The following NCALD variants were observed in gnomAD, a reference collection of about 807,000 sequenced individuals.
NCALD encodes the protein neurocalcin-delta.
Under a neutral mutation model 18.6 loss-of-function variants are expected in NCALD, and 10 were observed. That is an observed-to-expected ratio of 0.54 (90% CI 0.33 to 0.91). The LOEUF is 0.91. Among genes scored for constraint, NCALD ranks in the 40% least tolerant of loss-of-function variants. NCALD has a pLI of 0.03. For synonymous variants in NCALD, 88 were observed against 87.4 expected, an observed-to-expected ratio of 1.01 and a Z score of -0.04; for missense variants, 184 against 247.6, an observed-to-expected ratio of 0.74 and a Z score of 1.72.
Position 101,863,570 on chromosome 8 carries a change from G to C in NCALD, c.-20+23571C>G, listed in dbSNP as rs528222365. Among the ~76,000 whole-genome samples, 11 of 152,186 alleles carry C rather than the reference G, an allele frequency of 7.2e-5. No individual in the cohort carries two copies. The South Asian group carries it at 2.1e-3, about 29-fold the overall frequency. On this transcript the variant is annotated intron_variant, in intron 4 of 6. Transcript: ENST00000311028. ...GTGGTTGGTATTCTTAAAATAACAG[G>C]GGATTGGAAATTTAGAGATGCTTCT...
chr8:102,019,266 C>T (rs902516694), intron 2 of NCALD, among the ~76,000 whole-genome samples: 2 of 152,020 alleles, frequency 1.3e-5, no homozygotes, highest in Non-Finnish European at 2.9e-5. Context: ...ACAGAAAACA[C>T]CTTGTTTTGG....
chr8:102,099,461 TAAGTAA>T (rs1405801282), intron 1 of NCALD, among the ~76,000 whole-genome samples: 1 of 152,168 alleles, frequency 6.6e-6, no homozygotes, highest in East Asian at 1.9e-4. Context: ...CATTTTAACA[TAAGTAA>T]ACAGGGAGAG....
chr8:101,867,792 G>A (rs955404245), intron 4 of NCALD, among the ~76,000 whole-genome samples: 12 of 151,946 alleles, frequency 7.9e-5, no homozygotes, highest in African/African-American at 2.4e-4. Flanking sequence ...TGAATTTTTC[G>A]GCTTTGGGTA....
intron 2 of NCALD, among the ~76,000 whole-genome samples, chr8:101,696,831 C>A (rs977799451): frequency 6.6e-6 from 1 of 151,198 alleles, no homozygotes; most frequent in African/African-American, 2.4e-5. Context: ...GCACTAAATG[C>A]CCACATCAGA....
chr8:101,795,577 C>T (rs1002388516), upstream of NCALD, among the ~76,000 whole-genome samples: 1 of 152,170 alleles, frequency 6.6e-6, no homozygotes, highest in Non-Finnish European at 1.5e-5. Context: ...GGGCACTACC[C>T]TTATGATCTA....
chr8:101,997,290 G>A (rs946429001), intron 2 of NCALD, among the ~76,000 whole-genome samples: 5 of 152,170 alleles, frequency 3.3e-5, no homozygotes, highest in African/African-American at 1.2e-4. Context: ...GCCGGACATT[G>A]TTCCAGGCTA....
At chr8:102,103,863 G>A (rs1825364252) in intron 1 of NCALD, among the ~76,000 whole-genome samples, 1 of 152,178 alleles carries the variant, frequency 6.6e-6, no homozygotes, top group African/African-American at 2.4e-5. Context: ...TTAAATACAA[G>A]TTTTTAAATA....
At chr8:101,870,309 CT>C (rs762937357) in intron 4 of NCALD, among the ~76,000 whole-genome samples, 4 of 152,080 alleles carry the variant, frequency 2.6e-5, no homozygotes, top group African/African-American at 4.8e-5. Flanking sequence ...GAACAAATAC[CT>C]AATAAGAAAA....
chr8:101,925,674 G>C (rs1302337943), intron 2 of NCALD, among the ~76,000 whole-genome samples: 2 of 152,072 alleles, frequency 1.3e-5, no homozygotes, highest in Non-Finnish European at 2.9e-5. Context: ...GGATTTCTTT[G>C]AGTCATTGAG....
intron 4 of NCALD, among the ~76,000 whole-genome samples, chr8:101,803,050 G>A (rs1812930023): frequency 1.3e-5 from 2 of 152,150 alleles, no homozygotes; most frequent in African/African-American, 2.4e-5. Context: ...GCCTCTGATT[G>A]GAAGAAGATG....
chr8:102,043,587 T>C (rs762544418), intron 1 of NCALD, among the ~76,000 whole-genome samples: 10 of 151,170 alleles, frequency 6.6e-5, no homozygotes, highest in Non-Finnish European at 1.5e-4. Context: ...ACTTGAAGTA[T>C]AAAAGGTAAA....
intron 3 of NCALD, among the ~76,000 whole-genome samples, chr8:101,898,457 T>C (rs188965600): frequency 1.3e-5 from 2 of 152,318 alleles, no homozygotes; most frequent in Admixed American, 1.3e-4. Flanking sequence ...TCCTAGTCTA[T>C]AGCTTCTTTT....
intron 1 of NCALD, among the ~76,000 whole-genome samples, chr8:102,072,565 A>G (rs917234312): frequency 1.3e-5 from 2 of 152,110 alleles, no homozygotes; most frequent in South Asian, 2.1e-4. Flanking sequence ...CTTAGAGAAA[A>G]GAAGAAAAGC....
intron 1 of NCALD, among the ~76,000 whole-genome samples, chr8:102,081,735 G>T (rs56338552): frequency 1.3e-5 from 2 of 151,964 alleles, no homozygotes; most frequent in Non-Finnish European, 2.9e-5. Context: ...ACAGAACATC[G>T]TTTGATAAAC....
At chr8:101,691,063 A>C in intron 3 of NCALD, 1 of 985,412 alleles carries the variant, frequency 1.0e-6, no homozygotes, top group Non-Finnish European at 1.2e-6. Context: ...CAGGCAAGCT[A>C]AATCTAAGGG....
chr8:101,988,349 T>G (rs1328766569), intron 2 of NCALD, among the ~76,000 whole-genome samples: 3 of 152,164 alleles, frequency 2.0e-5, no homozygotes. Flanking sequence ...TGTGTATGTA[T>G]TTACACAGGC....
intron 2 of NCALD, among the ~76,000 whole-genome samples, chr8:101,942,607 C>A (rs1818999590): frequency 6.6e-6 from 1 of 152,180 alleles, no homozygotes; most frequent in Non-Finnish European, 1.5e-5. Flanking sequence ...CAAGCATAAT[C>A]CCAGATGATT....
chr8:101,986,154 C>T (rs1317654539), intron 2 of NCALD, among the ~76,000 whole-genome samples: 1 of 152,024 alleles, frequency 6.6e-6, no homozygotes, highest in Non-Finnish European at 1.5e-5. Context: ...CCTCAGCCTC[C>T]TGAGTAGCTG....
chr8:101,962,202 C>A (rs1819861665), intron 2 of NCALD, among the ~76,000 whole-genome samples: 1 of 152,116 alleles, frequency 6.6e-6, no homozygotes, highest in Non-Finnish European at 1.5e-5. Flanking sequence ...AAAATGACTC[C>A]TGGGCAACAA....
Sources: gnomAD v4.1 joint callset for allele counts (sites outside exome capture counted in the v4.1 genomes callset) on GRCh38, gnomAD v4.1.1 for gene constraint, MANE v1.5 for transcripts, NCBI Gene and HGNC (gene_info 2026-07-23, HGNC 2026-07-21) for gene names.